Variants in MISFA observed in about 807,000 individuals in gnomAD.
The protein encoded by MISFA is mitochondrial sheath formation-associated protein.
the MISFA span, chr11:18,609,723 C>A: frequency 1.4e-6 from 1 of 692,874 alleles, no homozygotes; most frequent in Non-Finnish European, 2.5e-6. Flanking sequence ...AAATGACAGC[C>A]TGCAAATGAC....
At chr11:18,608,980 TGGGGGAGG>T in the MISFA span, 1 of 149,382 alleles carries the variant, frequency 6.7e-6, no homozygotes, top group South Asian at 2.1e-4. Flanking sequence ...ATCTTTATGA[TGGGGGAGG>T]GGAGGAGGGG....
chr11:18,606,518 G>GCTAT, the MISFA span: 1 of 203,636 alleles, frequency 4.9e-6, no homozygotes, highest in South Asian at 6.7e-5. Flanking sequence ...AACAAGCTAA[G>GCTAT]CTATCTAAAA....
chr11:18,601,493 G>A, the MISFA span: 7 of 396,642 alleles, frequency 1.8e-5, no homozygotes, highest in Non-Finnish European at 3.1e-5. Flanking sequence ...TGCCACCCAG[G>A]CTGGAGTGAG....
the MISFA span, chr11:18,599,794 T>C: frequency 2.5e-6 from 1 of 393,720 alleles, no homozygotes; most frequent in Non-Finnish European, 4.5e-6. Context: ...TGTGGATCCT[T>C]TGGAGCCAAA....
the MISFA span, chr11:18,603,883 A>G: frequency 6.3e-6 from 1 of 157,576 alleles, no homozygotes; most frequent in Non-Finnish European, 1.1e-5. Context: ...ATTGCACATT[A>G]TTTTGTCATA....
At chr11:18,607,358 G>A in the MISFA span, 1 of 152,670 alleles carries the variant, frequency 6.6e-6, no homozygotes, top group Non-Finnish European at 1.5e-5. Context: ...GTGGGACTGT[G>A]CAATCAGAGC....
chr11:18,600,512 CTTT>C, the MISFA span, among the ~76,000 whole-genome samples: 5 of 54,026 alleles, frequency 9.3e-5, no homozygotes, highest in Non-Finnish European at 1.3e-4. Flanking sequence ...TGGGGACATC[CTTT>C]TTTTTTTTTT....
the MISFA span, chr11:18,599,966 T>C: frequency 2.5e-6 from 1 of 399,096 alleles, no homozygotes; most frequent in Non-Finnish European, 4.4e-6. Flanking sequence ...GTTGGACTTG[T>C]GTGTTACATG....
At chr11:18,606,084 C>T in the MISFA span, among the ~76,000 whole-genome samples, 1 of 152,208 alleles carries the variant, frequency 6.6e-6, no homozygotes, top group African/African-American at 2.4e-5. Flanking sequence ...ATATACCCAG[C>T]TGTGTCCTCC....
chr11:18,602,937 C>A, the MISFA span: 18,622 of 388,024 alleles, frequency 0.048, 583 homozygotes, highest in Middle Eastern at 0.058. Flanking sequence ...TGTCTGAGCT[C>A]TGCCCCCCTA....
At chr11:18,602,961 A>G in the MISFA span, 2 of 394,486 alleles carry the variant, frequency 5.1e-6, no homozygotes, top group Non-Finnish European at 8.9e-6. Context: ...GGCCATGAGG[A>G]GCCACTTCAA....
chr11:18,606,224 T>C, the MISFA span, among the ~76,000 whole-genome samples: 2 of 152,292 alleles, frequency 1.3e-5, no homozygotes, highest in Non-Finnish European at 2.9e-5. Context: ...AGAAGCTCTA[T>C]CATGTTAGAG....
chr11:18,605,987 T>C, the MISFA span, among the ~76,000 whole-genome samples: 1 of 152,166 alleles, frequency 6.6e-6, no homozygotes, highest in African/African-American at 2.4e-5. Context: ...CTGCCTCATA[T>C]ACATTTCTAA....
At chr11:18,601,913 G>A in the MISFA span, 2 of 170,550 alleles carry the variant, frequency 1.2e-5, no homozygotes, top group Middle Eastern at 2.5e-3. Flanking sequence ...GGGAATTAAT[G>A]TAAAGCATTT....
At chr11:18,600,215 T>C in the MISFA span, among the ~76,000 whole-genome samples, 1 of 152,094 alleles carries the variant, frequency 6.6e-6, no homozygotes, top group Non-Finnish European at 1.5e-5. Flanking sequence ...ATTATTATTA[T>C]TTTTTGAGAT....
the MISFA span, among the ~76,000 whole-genome samples, chr11:18,600,788 G>A: frequency 6.6e-6 from 1 of 152,108 alleles, no homozygotes; most frequent in Non-Finnish European, 1.5e-5. Context: ...CCAAAGTGCT[G>A]GGATTACAGG....
the MISFA span, chr11:18,599,796 G>C: frequency 2.5e-6 from 1 of 393,424 alleles, no homozygotes. Context: ...TGGATCCTTT[G>C]GAGCCAAAGA....
At chr11:18,603,189 A>G in the MISFA span, 1 of 398,990 alleles carries the variant, frequency 2.5e-6, no homozygotes, top group Non-Finnish European at 4.4e-6. Context: ...AATATCCCCC[A>G]GGAGGGGTAA....
the MISFA span, chr11:18,604,015 C>T: frequency 3.4e-6 from 1 of 296,472 alleles, no homozygotes. Context: ...CAAGCTCCGC[C>T]TCCCGGGTTC....
Sources: gnomAD v4.1 joint callset for allele counts (sites outside exome capture counted in the v4.1 genomes callset) on GRCh38, gnomAD v4.1.1 for gene constraint, MANE v1.5 for transcripts, NCBI Gene and HGNC (gene_info 2026-07-23, HGNC 2026-07-21) for gene names.